PDLIM3: variants seen among roughly 807,000 people sequenced by gnomAD.
PDLIM3 encodes PDZ and LIM domain 3, also known as PDZ and LIM domain protein 3.
In PDLIM3, 36 loss-of-function variants were observed where a neutral mutation model predicts 37.3. The ratio of observed to expected loss-of-function variants is 0.97; its 90% CI spans 0.74 to 1.28. The LOEUF (loss-of-function observed/expected upper bound fraction) is 1.28, where lower values mean the gene tolerates loss of function less well. PDLIM3 is among the 50% of genes most tolerant of loss of function. PDLIM3 has a pLI of 0.00. For missense variants in PDLIM3, 454 were observed against 485.0 expected (o/e 0.94, Z 0.60); for synonymous variants, 174 against 182.4 (o/e 0.95, Z 0.37).
Position 185,501,291 on chromosome 4 carries a change from A to G in PDLIM3, c.*1003T>C, listed in dbSNP as rs1240534785. 6.6e-6 allele frequency: 1 copy of G among 152,278 alleles called. No individual in the cohort carries two copies. Among genetic ancestry groups the G allele is most frequent in the Non-Finnish European group, 1.5e-5 (1 of 68,110 alleles). 9.4% of individuals were successfully genotyped at this position (152,278 alleles called of 1,614,324 possible). A position where few individuals can be genotyped will look rare whatever the true frequency, so the allele number is the denominator to read the frequency against. ...TCAAGAAAACAGACCACAGATCACA[A>G]GTGAAACCAAGGATTTCAACAGTGG... On this transcript the variant is annotated 3_prime_UTR_variant, in exon 8 of 8. Coordinates refer to ENST00000284767, the MANE Select transcript of PDLIM3 (RefSeq NM_014476.6).
chr4:185,523,925 TAC>T (rs1485934394), intron 2 of PDLIM3, among the ~76,000 whole-genome samples: 1 of 151,522 alleles, frequency 6.6e-6, no homozygotes. Flanking sequence ...GCCGAAGTCG[TAC>T]ATTTTTAATG....
chr4:185,503,765 CGGT>C (rs2095691618), intron 7 of PDLIM3, among the ~76,000 whole-genome samples: 1 of 152,078 alleles, frequency 6.6e-6, no homozygotes. Context: ...CTGGCCAACA[CGGT>C]GAAACCCCCT....
Position 185,525,165 on chromosome 4 carries a change from G to A in PDLIM3, c.100C>T (p.Pro34Ser). 3 of 1,614,034 alleles carry A rather than the reference G, an allele frequency of 1.9e-6. No homozygotes were observed. The highest frequency in any genetic ancestry group is 1.7e-5 in the Admixed American group (1 of 60,016). Residue 34 changes from proline (P) to serine (S), a missense_variant, in exon 2 of 8, where the codon CCA (proline) becomes TCA (serine). Pro to Ser is a moderately conservative substitution (Grantham distance 74). Transcript: ENST00000284767. ...TTGGCAGCTGCCGCCTTGCTTCCTG[G>A]TGTAATCTGGAAGAAATCATGGCAC... ...NQPLVITRIT[P>S]GSKAAAANLC...
At chr4:185,513,615 C>G in intron 4 of PDLIM3, 3 of 987,166 alleles carry the variant, frequency 3.0e-6, no homozygotes, top group Non-Finnish European at 3.6e-6. Flanking sequence ...AAATCATATT[C>G]AATGTTCCTG....
chr4:185,507,585 A>C (rs1470428298), intron 5 of PDLIM3, among the ~76,000 whole-genome samples: 1 of 152,158 alleles, frequency 6.6e-6, no homozygotes, highest in African/African-American at 2.4e-5. Context: ...ATAATAATTT[A>C]ATTTATAAAT....
intron 3 of PDLIM3, among the ~76,000 whole-genome samples, chr4:185,519,180 G>T (rs545401651): frequency 6.6e-6 from 1 of 152,294 alleles, no homozygotes; most frequent in Non-Finnish European, 1.5e-5. Context: ...TTATTCAGGT[G>T]CTGGGAGTTG....
At chr4:185,535,309 C>A in intron 1 of PDLIM3, 33 bp downstream of exon 1, 1 of 1,572,004 alleles carries the variant, frequency 6.4e-7, no homozygotes, top group Non-Finnish European at 8.7e-7. Flanking sequence ...GGAGTCCCCA[C>A]CTCGCAGCAA....
chr4:185,509,636 A>G (rs2095703559), intron 4 of PDLIM3, among the ~76,000 whole-genome samples: 2 of 152,216 alleles, frequency 1.3e-5, no homozygotes, highest in South Asian at 4.1e-4. Flanking sequence ...CAAAGCAAAA[A>G]GAAATATTAG....
chr4:185,517,553 G>A (rs1368247091), intron 3 of PDLIM3: 1 of 151,504 alleles, frequency 6.6e-6, no homozygotes, highest in Non-Finnish European at 1.5e-5. Flanking sequence ...GAAAATATTT[G>A]TGCATTAATA....
At position 185,500,859 on chromosome 4, in the gene PDLIM3, G is replaced by A. The variant is rs1397400368; in HGVS notation, c.*1435C>T. 6.6e-6 allele frequency: 1 copy of A among 152,296 alleles called. No individual in the cohort carries two copies. The highest frequency in any genetic ancestry group is 6.5e-5 in the Admixed American group (1 of 15,282). 9.4% of individuals were successfully genotyped at this position (152,296 alleles called of 1,614,324 possible). A position where few individuals can be genotyped will look rare whatever the true frequency, so the allele number is the denominator to read the frequency against. ...AGCAATAAAACTTGTGTCCCATTTG[G>A]GACCTTATGGGAGGAGAACACTTGT... is the stretch of plus-strand genomic sequence containing the variant. On this transcript the variant is annotated 3_prime_UTR_variant, in exon 8 of 8. Coordinates refer to ENST00000284767, the MANE Select transcript of PDLIM3 (RefSeq NM_014476.6).
At chr4:185,523,567 A>ATTT in intron 2 of PDLIM3, 121 bp from the exon 3 acceptor site, 1 of 503,368 alleles carries the variant, frequency 2.0e-6, no homozygotes, top group Non-Finnish European at 3.2e-6. Context: ...ATGCAAAAAC[A>ATTT]ATTTTTTTTT....
chr4:185,530,794 G>A (rs1011960805), intron 1 of PDLIM3, among the ~76,000 whole-genome samples: 3 of 152,092 alleles, frequency 2.0e-5, no homozygotes, highest in African/African-American at 7.2e-5. Context: ...CCTTGTCTAT[G>A]CTGCACTCTT....
rs577122133 is a variant in PDLIM3, at chr4:185,505,276, C to T, written c.794-690G>A. Among the ~76,000 whole-genome samples, 8 of 152,352 alleles carry T rather than the reference C, an allele frequency of 5.3e-5. No individual in the cohort carries two copies. The South Asian group carries it at 1.5e-3, about 28-fold the overall frequency. On this transcript the variant is annotated intron_variant, in intron 6 of 7. Coordinates refer to ENST00000284767, the MANE Select transcript of PDLIM3 (RefSeq NM_014476.6). Reference sequence around the variant, plus strand: ...TACTACATTTTGCTTATCCATTCATCAGTCAATGGACATTGGGTGTTTTCC... The same window carrying T: ...TACTACATTTTGCTTATCCATTCATTAGTCAATGGACATTGGGTGTTTTCC...
At chr4:185,525,248 A>T (rs1046239102) in intron 1 of PDLIM3, 77 bp from the exon 2 acceptor site, 1 of 1,399,410 alleles carries the variant, frequency 7.1e-7, no homozygotes, top group Non-Finnish European at 1.0e-6. Context: ...TTTGTGTTTC[A>T]GCCTGGTAAC....
Position 185,501,330 on chromosome 4 carries a change from C to G in PDLIM3, c.*964G>C, listed in dbSNP as rs190641322. 1.3e-5 allele frequency: 2 copies of G among 152,162 alleles called. No homozygotes were observed. Among genetic ancestry groups the G allele is most frequent in the Non-Finnish European group, 2.9e-5 (2 of 68,076 alleles). 9.4% of individuals were successfully genotyped at this position (152,162 alleles called of 1,614,324 possible). A position where few individuals can be genotyped will look rare whatever the true frequency, so the allele number is the denominator to read the frequency against. ...TTTCAACAGTGGATACAAGCAGGAC[C>G]CCAGGAGACCAGCAGCCCCTGCCTT... On this transcript the variant is annotated 3_prime_UTR_variant, in exon 8 of 8. Transcript: ENST00000284767.
At chr4:185,526,671 A>G (rs887124737) in intron 1 of PDLIM3, among the ~76,000 whole-genome samples, 1 of 152,056 alleles carries the variant, frequency 6.6e-6, no homozygotes, top group South Asian at 2.1e-4. Context: ...TACCTTGCCT[A>G]CTTCTCTCAT....
chr4:185,507,537 T>G (rs1232872989), intron 5 of PDLIM3, among the ~76,000 whole-genome samples: 1 of 152,188 alleles, frequency 6.6e-6, no homozygotes, highest in Non-Finnish European at 1.5e-5. Flanking sequence ...TCCCAAGAGA[T>G]AGCTTTGGGA....
At chr4:185,532,834 G>A (rs568724041) in intron 1 of PDLIM3, among the ~76,000 whole-genome samples, 1 of 152,296 alleles carries the variant, frequency 6.6e-6, no homozygotes, top group African/African-American at 2.4e-5. Context: ...CAAATGTCTA[G>A]GCGTGGAGCT....
In PDLIM3 at chr4:185,511,161, T is replaced by C. The variant is rs138082790; in HGVS notation, c.399-2599A>G. On this transcript the variant is annotated intron_variant, in intron 4 of 7. Coordinates refer to ENST00000284767, the MANE Select transcript of PDLIM3 (RefSeq NM_014476.6). ...AAGCAACTTGTCCAAAAACCACTCA[T>C]AGGATTGCATTTTATCATTTGGATC... 3.2e-3 allele frequency among the ~76,000 whole-genome samples: 490 copies of C among 152,366 alleles called. 2 individuals are homozygous for C. Among genetic ancestry groups the C allele is most frequent in the African/African-American group, 0.01 (431 of 41,588 alleles).
Sources: allele counts gnomAD v4.1 joint callset (sites outside exome capture counted in the v4.1 genomes callset), GRCh38; gene constraint gnomAD v4.1.1; transcripts MANE v1.5; gene names NCBI Gene and HGNC (gene_info 2026-07-23, HGNC 2026-07-21).